KCNIP4: variants seen among roughly 807,000 people sequenced by gnomAD.
KCNIP4 encodes potassium voltage-gated channel interacting protein 4.
Under a neutral mutation model 34.0 loss-of-function variants are expected in KCNIP4, and 12 were observed. That is an observed-to-expected ratio of 0.35 (90% confidence interval 0.23 to 0.57). KCNIP4 has a LOEUF of 0.57. KCNIP4 is among the 20% of genes least tolerant of loss of function. The pLI, the probability that KCNIP4 is intolerant of heterozygous loss-of-function variation, is 0.83. For missense variants in KCNIP4, 238 were observed against 311.7 expected, an observed-to-expected ratio of 0.76 and a Z score of 1.78; for synonymous variants, 124 against 102.2, an observed-to-expected ratio of 1.21 and a Z score of -1.29.
chr4:20,798,548 A>AC (rs35228196), intron 3 of KCNIP4, among the ~76,000 whole-genome samples: 11,504 of 151,068 alleles, frequency 0.076, 485 homozygotes, highest in East Asian at 0.18. Context: ...CAGACACACA[A>AC]AAAAGCTATG....
chr4:21,684,950 G>A (rs1234578575), intron 1 of KCNIP4, among the ~76,000 whole-genome samples: 2 of 152,060 alleles, frequency 1.3e-5, no homozygotes, highest in African/African-American at 4.8e-5. Flanking sequence ...AAGGAGTTTA[G>A]ACTCAAAAAG....
At chr4:21,743,132 A>G (rs953860325) in intron 1 of KCNIP4, among the ~76,000 whole-genome samples, 7 of 152,158 alleles carry the variant, frequency 4.6e-5, no homozygotes, top group African/African-American at 1.7e-4. Context: ...GAATTATCAC[A>G]AACTTGGTGG....
intron 4 of KCNIP4, among the ~76,000 whole-genome samples, chr4:20,750,546 A>G (rs896844197): frequency 1.3e-5 from 2 of 152,148 alleles, no homozygotes; most frequent in African/African-American, 2.4e-5. Context: ...GTTTGCTTCT[A>G]TTGGGTATTC....
intron 3 of KCNIP4, among the ~76,000 whole-genome samples, chr4:20,827,440 A>G (rs1336233826): frequency 6.6e-6 from 1 of 152,146 alleles, no homozygotes; most frequent in Non-Finnish European, 1.5e-5. Flanking sequence ...TTCTCTTCTT[A>G]TGAAGACGCA....
intron 1 of KCNIP4, among the ~76,000 whole-genome samples, chr4:21,191,370 G>C (rs6844318): frequency 0.41 from 62,880 of 152,126 alleles, 15,317 homozygotes; most frequent in African/African-American, 0.69. Flanking sequence ...AGGCTGGAAA[G>C]TATTCATAAA....
intron 1 of KCNIP4, among the ~76,000 whole-genome samples, chr4:21,091,895 A>T (rs1747028933): frequency 6.6e-6 from 1 of 152,192 alleles, no homozygotes; most frequent in Non-Finnish European, 1.5e-5. Context: ...CAACATACGC[A>T]TTTTGAGGGG....
intron 1 of KCNIP4, among the ~76,000 whole-genome samples, chr4:21,683,156 A>G (rs182894147): frequency 6.6e-6 from 1 of 152,298 alleles, no homozygotes; most frequent in East Asian, 1.9e-4. Context: ...TGGTGCAGCT[A>G]TTGCCTCATG....
At chr4:20,889,796 A>C (rs7679910) in intron 1 of KCNIP4, among the ~76,000 whole-genome samples, 13,813 of 150,890 alleles carry the variant, frequency 0.092, 809 homozygotes, top group Admixed American at 0.13. Flanking sequence ...AATTAAGTCA[A>C]CTCCCATACC....
intron 1 of KCNIP4, among the ~76,000 whole-genome samples, chr4:20,954,860 T>C (rs1175600223): frequency 6.6e-6 from 1 of 152,204 alleles, no homozygotes. Context: ...TGTAATCCTA[T>C]TATGTGCCAC....
At chr4:21,068,125 T>C (rs1193082824) in intron 1 of KCNIP4, among the ~76,000 whole-genome samples, 2 of 152,160 alleles carry the variant, frequency 1.3e-5, no homozygotes, top group Non-Finnish European at 2.9e-5. Flanking sequence ...ATCACAATGC[T>C]CCAAGGGTGG....
At chr4:21,494,032 C>T (rs1192529326) in intron 1 of KCNIP4, among the ~76,000 whole-genome samples, 1 of 152,202 alleles carries the variant, frequency 6.6e-6, no homozygotes, top group Non-Finnish European at 1.5e-5. Flanking sequence ...CTTTAATCCT[C>T]ATAACAATTT....
At chr4:20,806,316 T>C (rs1715078945) in intron 3 of KCNIP4, among the ~76,000 whole-genome samples, 1 of 152,026 alleles carries the variant, frequency 6.6e-6, no homozygotes, top group South Asian at 2.1e-4. Context: ...TTCATGCATA[T>C]TGCTGTTTCA....
chr4:21,177,221 C>T (rs1309342953), intron 1 of KCNIP4, among the ~76,000 whole-genome samples: 2 of 152,046 alleles, frequency 1.3e-5, no homozygotes, highest in African/African-American at 4.8e-5. Flanking sequence ...AGAATACAAT[C>T]TAGTAAAAGA....
At chr4:20,825,950 A>C (rs1263315097) in intron 3 of KCNIP4, among the ~76,000 whole-genome samples, 1 of 152,200 alleles carries the variant, frequency 6.6e-6, no homozygotes. Context: ...GAAATGTCCA[A>C]TTAGATAAAT....
intron 1 of KCNIP4, among the ~76,000 whole-genome samples, chr4:21,673,055 C>T (rs1167828199): frequency 6.6e-6 from 1 of 152,126 alleles, no homozygotes; most frequent in East Asian, 1.9e-4. Context: ...ACTTTTTTAA[C>T]CCCAACCTTA....
intron 1 of KCNIP4, among the ~76,000 whole-genome samples, chr4:21,486,875 G>GCTCACTGCAACCTCCATCT (rs566213953): frequency 2.2e-3 from 327 of 152,034 alleles, no homozygotes; most frequent in African/African-American, 7.3e-3. Flanking sequence ...TGTGATCTCG[G>GCTCACTGCAACCTCCATCT]CTCACTGCAA....
intron 3 of KCNIP4, among the ~76,000 whole-genome samples, chr4:20,832,910 G>A (rs891331219): frequency 1.3e-5 from 2 of 152,136 alleles, no homozygotes; most frequent in African/African-American, 4.8e-5. Flanking sequence ...GAGTTCGGTG[G>A]TTTTAAAGGC....
rs1405447588 is a variant in KCNIP4, at chr4:21,594,764, C to T, written c.61+353807G>A. On this transcript the variant is annotated intron_variant, in intron 1 of 8. Coordinates refer to ENST00000382152, the MANE Select transcript of KCNIP4 (RefSeq NM_025221.6). ...TCTACATGAAAATTTAAAACTTCTG[C>T]ACATAAGAACAAACCACATTTCTTA... Among the ~76,000 whole-genome samples the T allele has an allele frequency of 2.2e-5, 3 of 134,704 alleles. No individual in the cohort carries two copies. The East Asian group carries it at 6.1e-4, about 27-fold the overall frequency. 88.4% of individuals were successfully genotyped at this position (134,704 alleles called of 152,430 possible). A position where few individuals can be genotyped will look rare whatever the true frequency, so the allele number is the denominator to read the frequency against.
intron 1 of KCNIP4, among the ~76,000 whole-genome samples, chr4:21,370,777 A>G (rs1163786267): frequency 9.0e-6 from 1 of 111,084 alleles, no homozygotes; most frequent in East Asian, 2.9e-4. Flanking sequence ...TGTTGGAGGA[A>G]CAGACAGGAG....
Sources: gnomAD v4.1 joint callset for allele counts (sites outside exome capture counted in the v4.1 genomes callset) on GRCh38, gnomAD v4.1.1 for gene constraint, MANE v1.5 for transcripts, NCBI Gene and HGNC (gene_info 2026-07-23, HGNC 2026-07-21) for gene names.